The following NALF1 variants were observed in gnomAD, a reference collection of about 807,000 sequenced individuals.
NALF1 encodes family with sequence similarity 155 member A.
Under a neutral mutation model 48.4 loss-of-function variants are expected in NALF1, and 3 were observed. The ratio of observed to expected loss-of-function variants is 0.06; its 90% CI spans 0.03 to 0.16. The LOEUF (loss-of-function observed/expected upper bound fraction) is 0.16, where lower values mean the gene tolerates loss of function less well. Among genes scored for constraint, NALF1 ranks in the 10% least tolerant of loss-of-function variants. The probability of loss-of-function intolerance (pLI) is 1.00; values close to 1 mark genes in which losing one functional copy is unlikely to be tolerated. For missense variants in NALF1, 526 were observed against 571.5 expected, an observed-to-expected ratio of 0.92 and a Z score of 0.81; for synonymous variants, 262 against 245.7, an observed-to-expected ratio of 1.07 and a Z score of -0.62.
chr13:107,562,851 G>GA (rs1159401555), intron 1 of NALF1, among the ~76,000 whole-genome samples: 8 of 152,080 alleles, frequency 5.3e-5, no homozygotes, highest in African/African-American at 1.9e-4. Flanking sequence ...TCATTTCACG[G>GA]AAAAAATTAC....
intron 1 of NALF1, among the ~76,000 whole-genome samples, chr13:107,503,007 T>C (rs1026849326): frequency 1.3e-5 from 2 of 152,144 alleles, no homozygotes; most frequent in African/African-American, 4.8e-5. Flanking sequence ...TCTTGCAGGC[T>C]CAGAGCCCAC....
chr13:107,535,317 T>C (rs936488279), intron 1 of NALF1, among the ~76,000 whole-genome samples: 1 of 152,104 alleles, frequency 6.6e-6, no homozygotes, highest in Non-Finnish European at 1.5e-5. Context: ...GGCTGTGGGT[T>C]TGTCATAAAT....
At chr13:107,454,554 C>A (rs573935882) in intron 1 of NALF1, among the ~76,000 whole-genome samples, 2 of 152,100 alleles carry the variant, frequency 1.3e-5, no homozygotes, top group Non-Finnish European at 2.9e-5. Flanking sequence ...TCCCATGACA[C>A]ATGGGGATTA....
At chr13:107,776,035 G>C (rs191087903) in intron 1 of NALF1, among the ~76,000 whole-genome samples, 133 of 152,324 alleles carry the variant, frequency 8.7e-4, no homozygotes, top group Middle Eastern at 3.4e-3. Context: ...CAACTTGCTG[G>C]CTTCAGCAGC....
At chr13:107,740,221 CT>C (rs1269760201) in intron 1 of NALF1, among the ~76,000 whole-genome samples, 1 of 151,998 alleles carries the variant, frequency 6.6e-6, no homozygotes, top group African/African-American at 2.4e-5. Context: ...TTTTATTTAT[CT>C]CAAGTAAAAT....
chr13:107,434,843 C>G (rs1392404595), intron 1 of NALF1, among the ~76,000 whole-genome samples: 1 of 152,092 alleles, frequency 6.6e-6, no homozygotes, highest in Admixed American at 6.6e-5. Context: ...TAAACCATGC[C>G]CAGTAAATGT....
intron 1 of NALF1, among the ~76,000 whole-genome samples, chr13:107,349,686 A>G (rs1016240923): frequency 6.7e-6 from 1 of 149,824 alleles, no homozygotes; most frequent in East Asian, 2.0e-4. Context: ...GATTTCAGTG[A>G]GCCGAGATGG....
chr13:107,743,863 AG>A (rs1876706739), intron 1 of NALF1, among the ~76,000 whole-genome samples: 1 of 152,242 alleles, frequency 6.6e-6, no homozygotes, highest in Non-Finnish European at 1.5e-5. Flanking sequence ...TATAGGCAAT[AG>A]GGAGTCTTAA....
At chr13:107,593,208 C>T (rs1055417057) in intron 1 of NALF1, among the ~76,000 whole-genome samples, 1 of 151,696 alleles carries the variant, frequency 6.6e-6, no homozygotes, top group Non-Finnish European at 1.5e-5. Context: ...GGAATTTAAA[C>T]CTTAAGAACA....
chr13:107,859,342 C>T (rs1019596593), intron 1 of NALF1, among the ~76,000 whole-genome samples: 1 of 152,154 alleles, frequency 6.6e-6, no homozygotes, highest in Non-Finnish European at 1.5e-5. Context: ...GGTATTTAAA[C>T]AGGTATTAAA....
At chr13:107,263,964 G>C (rs781161176) in intron 1 of NALF1, among the ~76,000 whole-genome samples, 1 of 152,138 alleles carries the variant, frequency 6.6e-6, no homozygotes, top group Non-Finnish European at 1.5e-5. Context: ...GGTTGTGTTG[G>C]AACATGGTTC....
intron 1 of NALF1, among the ~76,000 whole-genome samples, chr13:107,716,675 A>C (rs1875830946): frequency 1.3e-5 from 2 of 152,168 alleles, no homozygotes. Flanking sequence ...GACTATATTT[A>C]AACACAGGAT....
intron 1 of NALF1, among the ~76,000 whole-genome samples, chr13:107,710,520 A>G (rs932809474): frequency 6.6e-6 from 1 of 152,126 alleles, no homozygotes; most frequent in Admixed American, 6.5e-5. Flanking sequence ...GAAGCCTCAG[A>G]AAACTCAGAA....
chr13:107,458,899 A>G (rs996168839), intron 1 of NALF1, among the ~76,000 whole-genome samples: 10 of 152,154 alleles, frequency 6.6e-5, no homozygotes, highest in African/African-American at 2.4e-4. Context: ...AAATGAGCAG[A>G]AAGTGCAGTG....
At chr13:107,624,479 A>G (rs986013109) in intron 1 of NALF1, among the ~76,000 whole-genome samples, 2 of 152,206 alleles carry the variant, frequency 1.3e-5, no homozygotes, top group South Asian at 2.1e-4. Context: ...GTCATCCTGT[A>G]TAATACTTTT....
intron 1 of NALF1, among the ~76,000 whole-genome samples, chr13:107,752,922 A>C (rs1192127507): frequency 6.6e-6 from 1 of 152,046 alleles, no homozygotes; most frequent in Non-Finnish European, 1.5e-5. Flanking sequence ...GCTTTTGATC[A>C]CTCTCCCCCA....
At chr13:107,299,456 TAATAATAATAATAATAAATA>T (rs1881792261) in intron 1 of NALF1, among the ~76,000 whole-genome samples, 1 of 48,912 alleles carries the variant, frequency 2.0e-5, no homozygotes, top group Admixed American at 1.9e-4. Flanking sequence ...ATAATAATAA[TAATAATAATAATAATAAATA>T]AATAAATAAA....
chr13:107,538,861 T>C (rs1319457540), intron 1 of NALF1, among the ~76,000 whole-genome samples: 5 of 152,174 alleles, frequency 3.3e-5, no homozygotes, highest in Admixed American at 6.5e-5. Context: ...ACTTTAAATA[T>C]AGTTAATGGT....
chr13:107,484,261 C>T (rs898173216), intron 1 of NALF1, among the ~76,000 whole-genome samples: 1 of 152,022 alleles, frequency 6.6e-6, no homozygotes, highest in African/African-American at 2.4e-5. Context: ...CCTGCATATT[C>T]TGTATTCAAT....
Sources: allele counts gnomAD v4.1 joint callset (sites outside exome capture counted in the v4.1 genomes callset), GRCh38; gene constraint gnomAD v4.1.1; transcripts MANE v1.5; gene names NCBI Gene and HGNC (gene_info 2026-07-23, HGNC 2026-07-21).